Variants in STRN3 observed in about 807,000 individuals in gnomAD.
STRN3 encodes the protein striatin-3.
A neutral mutation model predicts 95.6 loss-of-function variants in STRN3; 29 were observed. The observed-to-expected ratio is 0.30, with a 90% confidence interval of 0.23 to 0.41. The LOEUF is 0.41. Among genes scored for constraint, STRN3 ranks in the 10% least tolerant of loss-of-function variants. STRN3 has a pLI of 1.00. For missense variants in STRN3, 890 were observed against 972.1 expected (o/e 0.92, Z 1.12); for synonymous variants, 331 against 357.6 (o/e 0.93, Z 0.84).
At chr14:30,968,449 A>C (rs1880650663) in intron 1 of STRN3, among the ~76,000 whole-genome samples, 1 of 150,784 alleles carries the variant, frequency 6.6e-6, no homozygotes, top group Non-Finnish European at 1.5e-5. Context: ...TGGGAGGCCG[A>C]GGCGGGCGGA....
chr14:31,009,208 G>A (rs1200927978), intron 1 of STRN3, among the ~76,000 whole-genome samples: 2 of 151,792 alleles, frequency 1.3e-5, no homozygotes, highest in Non-Finnish European at 2.9e-5. Context: ...TATTACTACC[G>A]GTACTAGACA....
intron 1 of STRN3, among the ~76,000 whole-genome samples, chr14:30,979,276 A>G (rs1032061913): frequency 6.6e-6 from 1 of 152,122 alleles, no homozygotes; most frequent in Non-Finnish European, 1.5e-5. Flanking sequence ...AAATAAAAGG[A>G]AACATTTAAA....
intron 1 of STRN3, among the ~76,000 whole-genome samples, chr14:30,971,200 G>C (rs1880811393): frequency 1.3e-5 from 2 of 152,182 alleles, no homozygotes; most frequent in South Asian, 4.1e-4. Context: ...GTATTGTGGT[G>C]GACCTTTAGT....
intron 5 of STRN3, among the ~76,000 whole-genome samples, chr14:30,945,230 G>A (rs1879302908): frequency 6.6e-6 from 1 of 152,168 alleles, no homozygotes; most frequent in Admixed American, 6.5e-5. Flanking sequence ...GTAAAACAGT[G>A]CAGCTACCTT....
intron 5 of STRN3, among the ~76,000 whole-genome samples, chr14:30,943,347 C>A (rs1431321003): frequency 6.6e-6 from 1 of 152,190 alleles, no homozygotes; most frequent in Non-Finnish European, 1.5e-5. Flanking sequence ...CTTTAGGAGG[C>A]TGAGGCAGGA....
chr14:31,022,519 T>C lies in STRN3; in HGVS notation c.282+3385A>G, dbSNP rs142241284. On this transcript the variant is annotated intron_variant, in intron 1 of 17. Coordinates refer to ENST00000357479, the MANE Select transcript of STRN3 (RefSeq NM_001083893.2). ...TACATACAAACTATAAAGAAAAATA[T>C]AAGGACACATTAGCAATATATATAA... Among the ~76,000 whole-genome samples, 129 of 151,982 alleles carry C rather than the reference T, an allele frequency of 8.5e-4. 1 individual carries two copies. The East Asian group carries it at 0.018, about 22-fold the overall frequency.
At chr14:30,958,408 G>A (rs982798009) in intron 1 of STRN3, among the ~76,000 whole-genome samples, 1 of 152,256 alleles carries the variant, frequency 6.6e-6, no homozygotes, top group African/African-American at 2.4e-5. Flanking sequence ...AATAATAAAA[G>A]TTCAGAACCT....
At chr14:30,938,746 G>T (rs774918469) in intron 5 of STRN3, among the ~76,000 whole-genome samples, 2 of 151,768 alleles carry the variant, frequency 1.3e-5, no homozygotes, top group Non-Finnish European at 2.9e-5. Flanking sequence ...TGTGTCAAGG[G>T]GTATATAAAG....
chr14:30,917,307 CAT>C (rs1896764742), intron 9 of STRN3, among the ~76,000 whole-genome samples: 2 of 152,158 alleles, frequency 1.3e-5, no homozygotes. Flanking sequence ...ACACATAACA[CAT>C]AAACAAACAC....
chr14:31,014,229 T>C (rs1883129536), intron 1 of STRN3, among the ~76,000 whole-genome samples: 1 of 152,044 alleles, frequency 6.6e-6, no homozygotes, highest in South Asian at 2.1e-4. Flanking sequence ...GTTGTTGTTG[T>C]TGCTGTTCTG....
At chr14:30,972,737 T>C (rs1165450249) in intron 1 of STRN3, among the ~76,000 whole-genome samples, 2 of 151,878 alleles carry the variant, frequency 1.3e-5, no homozygotes, top group African/African-American at 2.4e-5. Flanking sequence ...GCCCAAGAGG[T>C]TGACGTTACA....
intron 7 of STRN3, 58 bp downstream of exon 7, chr14:30,935,105 A>T: frequency 6.3e-7 from 1 of 1,586,888 alleles, no homozygotes. Context: ...AATATTTAAT[A>T]ATAACCCATC....
intron 3 of STRN3, among the ~76,000 whole-genome samples, chr14:30,952,802 CTATTTA>C (rs1879715096): frequency 6.6e-6 from 1 of 152,086 alleles, no homozygotes; most frequent in South Asian, 2.1e-4. Context: ...ACTGATTTTT[CTATTTA>C]TAACATTTTA....
chr14:30,967,050 T>G (rs1880551718), intron 1 of STRN3, among the ~76,000 whole-genome samples: 1 of 151,970 alleles, frequency 6.6e-6, no homozygotes, highest in South Asian at 2.1e-4. Flanking sequence ...GGTTGAGGCT[T>G]CCGGGACACA....
chr14:30,929,954 C>CAAAAAAAAAAAAAAAAAAAA lies in STRN3; in HGVS notation c.989-663_989-644dup, dbSNP rs1191963792. Among the ~76,000 whole-genome samples, 31 of 39,990 alleles carry CAAAAAAAAAAAAAAAAAAAA rather than the reference C, an allele frequency of 7.8e-4. 3 individuals carry two copies. Among genetic ancestry groups the CAAAAAAAAAAAAAAAAAAAA allele is most frequent in the African/African-American group, 1.7e-3 (14 of 8,052 alleles). The allele number at this position is 39,990 out of a possible 152,430, so 26.2% of individuals were successfully genotyped here. On this transcript the variant is annotated intron_variant, in intron 7 of 17. Coordinates refer to ENST00000357479, the MANE Select transcript of STRN3 (RefSeq NM_001083893.2). ...TCCATTGGTCTACAACTAAGATTAGCAAAAAAAAAAAAAAAAAAAAAAAAA... is the reference window on the plus strand; with the variant it reads ...TCCATTGGTCTACAACTAAGATTAGCAAAAAAAAAAAAAAAAAAAAAAAAAAAAAAAAAAAAAAAAAAAAA...
At position 30,982,057 on chromosome 14, in the gene STRN3, C is replaced by T. The variant is rs180888473; in HGVS notation, c.283-25815G>A. ...AGGTTGCAGTGAGCCAAGATTGTGC[C>T]ACTGCACTCCAGCCTGGGTGAGGAG... is the stretch of plus-strand genomic sequence containing the variant. On this transcript the variant is annotated intron_variant, in intron 1 of 17. Coordinates refer to ENST00000357479, the MANE Select transcript of STRN3 (RefSeq NM_001083893.2). Among the ~76,000 whole-genome samples the T allele has an allele frequency of 7.6e-3, 923 of 121,022 alleles. 8 individuals are homozygous for T. Among genetic ancestry groups the T allele is most frequent in the Middle Eastern group, 0.021 (3 of 142 alleles). The allele number at this position is 121,022 out of a possible 152,430, so 79.4% of individuals were successfully genotyped here.
chr14:30,977,923 A>G (rs911775637), intron 1 of STRN3, among the ~76,000 whole-genome samples: 3 of 152,308 alleles, frequency 2.0e-5, no homozygotes, highest in African/African-American at 2.4e-5. Context: ...GAAGTGGACC[A>G]ATTCCTTGAA....
intron 14 of STRN3, 28 bp from the exon 15 acceptor site, chr14:30,905,586 T>C (rs1896440552): frequency 1.3e-6 from 2 of 1,563,124 alleles, no homozygotes; most frequent in African/African-American, 1.4e-5. Context: ...ACAGACAATG[T>C]AAACAAAGTA....
At chr14:30,895,900 C>T (rs1594401312) in intron 16 of STRN3, 152 bp from the exon 17 acceptor site, 2 of 635,252 alleles carry the variant, frequency 3.1e-6, no homozygotes, top group African/African-American at 3.7e-5. Flanking sequence ...CCACTGTAAA[C>T]ATCTGAGTAC....
Sources: gnomAD v4.1 joint callset for allele counts (sites outside exome capture counted in the v4.1 genomes callset) on GRCh38, gnomAD v4.1.1 for gene constraint, MANE v1.5 for transcripts, NCBI Gene and HGNC (gene_info 2026-07-23, HGNC 2026-07-21) for gene names.